The following HLCS variants were observed in gnomAD, a reference collection of about 807,000 sequenced individuals.
HLCS encodes the protein holocarboxylase synthetase, also known as biotin--protein ligase.
Under a neutral mutation model 75.0 loss-of-function variants are expected in HLCS, and 53 were observed. The observed-to-expected ratio is 0.71, with a 90% CI of 0.57 to 0.89. The LOEUF (loss-of-function observed/expected upper bound fraction) is 0.89. Among genes scored for constraint, HLCS ranks in the 40% least tolerant of loss-of-function variants. The pLI, the probability that HLCS is intolerant of heterozygous loss-of-function variation, is 0.00. For synonymous variants in HLCS, 431 were observed against 428.6 expected, an observed-to-expected ratio of 1.01 and a Z score of -0.07; for missense variants, 966 against 1,074.0, an observed-to-expected ratio of 0.90 and a Z score of 1.41.
At chr21:36,924,635 GC>G (rs1386418141) in intron 5 of HLCS, among the ~76,000 whole-genome samples, 40 of 152,244 alleles carry the variant, frequency 2.6e-4, no homozygotes, top group African/African-American at 8.9e-4. Context: ...TCTCCCGGGG[GC>G]AAGGACTCCT....
intron 6 of HLCS, among the ~76,000 whole-genome samples, chr21:36,767,724 A>G (rs1337518390): frequency 3.3e-5 from 5 of 152,172 alleles, no homozygotes; most frequent in African/African-American, 7.2e-5. Context: ...GAACACAATC[A>G]TAACAGAAGT....
chr21:36,921,934 A>G (rs2066187764), intron 5 of HLCS, among the ~76,000 whole-genome samples: 2 of 152,240 alleles, frequency 1.3e-5, no homozygotes, highest in Non-Finnish European at 2.9e-5. Context: ...GGCACGTTCT[A>G]TCTCAGCAAT....
At chr21:36,953,984 C>A (rs754143801) in intron 2 of HLCS, among the ~76,000 whole-genome samples, 2 of 152,118 alleles carry the variant, frequency 1.3e-5, no homozygotes, top group African/African-American at 2.4e-5. Flanking sequence ...GTACACAAAC[C>A]TACTGGGCTG....
At chr21:36,939,696 G>A (rs1360353727) in intron 2 of HLCS, among the ~76,000 whole-genome samples, 2 of 152,176 alleles carry the variant, frequency 1.3e-5, no homozygotes, top group Admixed American at 1.3e-4. Context: ...AGAAGACCGT[G>A]ACACTGGGGC....
chr21:36,910,673 C>T (rs575030427), intron 5 of HLCS, among the ~76,000 whole-genome samples: 144 of 152,178 alleles, frequency 9.5e-4, no homozygotes, highest in African/African-American at 3.4e-3. Context: ...CCAAGCAAAG[C>T]AAGGCTCCAT....
chr21:36,753,458 G>A lies in HLCS; in HGVS notation c.*788C>T, dbSNP rs1014800360. 1.3e-5 allele frequency: 2 copies of A among 152,236 alleles called. No individual in the cohort carries two copies. Among genetic ancestry groups the A allele is most frequent in the African/African-American group, 4.8e-5 (2 of 41,450 alleles). The allele number at this position is 152,236 out of a possible 1,614,324, so 9.4% of individuals were successfully genotyped here. On this transcript the variant is annotated 3_prime_UTR_variant, in exon 11 of 11. Coordinates refer to ENST00000674895, the MANE Select transcript of HLCS (RefSeq NM_001352514.2). This position sits in a 1 kb window ranked among gnomAD's most constrained non-coding sequence, Gnocchi z 4.3. ...AAATCGCCCACCTCCTCATCCAAGT[G>A]ATGCCTAATCAGACATTTAAGGATT...
chr21:36,858,656 A>G (rs1171528742), intron 6 of HLCS, among the ~76,000 whole-genome samples: 1 of 152,170 alleles, frequency 6.6e-6, no homozygotes. Context: ...GAGGCCTTGA[A>G]GAATAGTGGA....
intron 8 of HLCS, among the ~76,000 whole-genome samples, chr21:36,763,584 A>G (rs2089928200): frequency 6.6e-6 from 1 of 152,230 alleles, no homozygotes; most frequent in Non-Finnish European, 1.5e-5. Context: ...CCTTTTCTTC[A>G]ATGAAATGAT....
At chr21:36,858,654 G>T (rs1421521472) in intron 6 of HLCS, among the ~76,000 whole-genome samples, 1 of 152,198 alleles carries the variant, frequency 6.6e-6, no homozygotes, top group Non-Finnish European at 1.5e-5. Context: ...AGGAGGCCTT[G>T]AAGAATAGTG....
intron 5 of HLCS, among the ~76,000 whole-genome samples, chr21:36,923,623 T>C (rs187437898): frequency 1.9e-4 from 29 of 152,280 alleles, no homozygotes; most frequent in African/African-American, 6.5e-4. Context: ...CCCCGGGTAT[T>C]TACTCTGCAG....
chr21:36,851,588 T>C (rs1026892343), intron 6 of HLCS, among the ~76,000 whole-genome samples: 1 of 152,178 alleles, frequency 6.6e-6, no homozygotes, highest in South Asian at 2.1e-4. Context: ...TTAGAAAGAA[T>C]GGAAAAAACC....
rs1396500921 is a variant in HLCS, at chr21:36,771,076, T to C, written c.1893-3791A>G. On this transcript the variant is annotated intron_variant, in intron 6 of 10. Transcript: ENST00000674895. ...CTACTAAAAATACAAAAAAATTAGC[T>C]GGGCATGGTGGCGGGTGCCTGTAAT... is the stretch of plus-strand genomic sequence containing the variant. 2.6e-5 allele frequency among the ~76,000 whole-genome samples: 4 copies of C among 151,762 alleles called. No homozygotes were observed. In the East Asian group the frequency reaches 7.7e-4, roughly 29 times the overall value.
rs553007960 is a variant in HLCS, at chr21:36,835,407, G to A, written c.1892+61453C>T. On this transcript the variant is annotated intron_variant, in intron 6 of 10. Coordinates refer to ENST00000674895, the MANE Select transcript of HLCS (RefSeq NM_001352514.2). ...ATGACAACTAAAATGTATTTTATTA[G>A]CAGTAAGATGAAATCCAGAGCATAT... Among the ~76,000 whole-genome samples the A allele has an allele frequency of 3.7e-4, 56 of 152,302 alleles. 2 individuals carry two copies. In the South Asian group the frequency reaches 0.011, roughly 29 times the overall value.
chr21:36,750,749 G>A lies in HLCS; in HGVS notation c.*3497C>T, dbSNP rs2089339966. ...TGAATCATGGCCCTTGTGTTATCTA[G>A]AATGCTAATTATTCAAGCTGTTCCT... On this transcript the variant is annotated 3_prime_UTR_variant, in exon 11 of 11. Transcript: ENST00000674895. The A allele has an allele frequency of 6.6e-6, 1 of 150,554 alleles. No homozygotes were observed. The highest frequency in any genetic ancestry group is 1.5e-5 in the Non-Finnish European group (1 of 67,836). The allele number at this position is 150,554 out of a possible 1,614,324, so 9.3% of individuals were successfully genotyped here.
intron 1 of HLCS, among the ~76,000 whole-genome samples, chr21:36,977,683 C>T (rs1008346339): frequency 2.0e-5 from 3 of 152,132 alleles, no homozygotes; most frequent in African/African-American, 4.8e-5. Flanking sequence ...AATCAGAAAC[C>T]CTGGGTTCAG....
intron 6 of HLCS, among the ~76,000 whole-genome samples, chr21:36,832,501 T>C (rs536577319): frequency 1.3e-5 from 2 of 152,354 alleles, no homozygotes; most frequent in African/African-American, 4.8e-5. Flanking sequence ...ACTCACAGTC[T>C]AGGCTAGATT....
intron 5 of HLCS, among the ~76,000 whole-genome samples, chr21:36,903,441 C>T (rs552707649): frequency 6.6e-6 from 1 of 152,256 alleles, no homozygotes; most frequent in African/African-American, 2.4e-5. Flanking sequence ...CACCAGGTCA[C>T]CACACAGGCT....
chr21:36,825,369 C>T (rs982131270), intron 6 of HLCS, among the ~76,000 whole-genome samples: 16 of 152,222 alleles, frequency 1.1e-4, no homozygotes, highest in African/African-American at 3.4e-4. Flanking sequence ...GCCTGGACAA[C>T]AGAGTGAGAC....
chr21:36,954,577 T>C (rs1367687394), intron 2 of HLCS, among the ~76,000 whole-genome samples: 1 of 151,556 alleles, frequency 6.6e-6, no homozygotes. Context: ...GATGCGCCAC[T>C]GCACTCCAGC....
Sources: gnomAD v4.1 joint callset for allele counts (sites outside exome capture counted in the v4.1 genomes callset) on GRCh38, gnomAD v4.1.1 for gene constraint, Gnocchi (gnomAD v3.1) non-coding constraint, MANE v1.5 for transcripts, NCBI Gene and HGNC (gene_info 2026-07-23, HGNC 2026-07-21) for gene names.